OR1J2: variants seen among roughly 807,000 people sequenced by gnomAD.
OR1J2 encodes olfactory receptor 1J2.
For missense variants in OR1J2, 304 were observed against 246.1 expected (o/e 1.24, Z -1.57); for synonymous variants, 142 against 99.7 (o/e 1.42, Z -2.52).
chr9:122,487,673 C>T, the OR1J2 span, among the ~76,000 whole-genome samples: 1 of 152,194 alleles, frequency 6.6e-6, no homozygotes, highest in Non-Finnish European at 1.5e-5. Context: ...TTGTTTTTCA[C>T]CAGCCACAAG....
chr9:122,536,303 C>A, the OR1J2 span, among the ~76,000 whole-genome samples: 1 of 152,186 alleles, frequency 6.6e-6, no homozygotes, highest in Non-Finnish European at 1.5e-5. Flanking sequence ...CCAATATCCA[C>A]CTTTAAAAAC....
chr9:122,490,902 A>C, the OR1J2 span, among the ~76,000 whole-genome samples: 1 of 152,186 alleles, frequency 6.6e-6, no homozygotes, highest in Non-Finnish European at 1.5e-5. Flanking sequence ...GATAATGAGC[A>C]TGTGTTTGCA....
the OR1J2 span, chr9:122,477,965 A>G: frequency 7.1e-7 from 1 of 1,407,832 alleles, no homozygotes; most frequent in Non-Finnish European, 9.7e-7. Context: ...AATTTGAAGG[A>G]AAAAAATGGT....
the OR1J2 span, among the ~76,000 whole-genome samples, chr9:122,548,333 C>T: frequency 6.6e-6 from 1 of 152,094 alleles, no homozygotes; most frequent in Non-Finnish European, 1.5e-5. Flanking sequence ...ATACATTTCC[C>T]TTAATCTCAA....
chr9:122,510,017 T>G (rs1225799383), upstream of OR1J2, among the ~76,000 whole-genome samples: 1 of 151,902 alleles, frequency 6.6e-6, no homozygotes, highest in Non-Finnish European at 1.5e-5. Flanking sequence ...AGGAAGAGCA[T>G]CAGGACAAAT....
At chr9:122,526,670 G>A in the OR1J2 span, 1 of 1,614,190 alleles carries the variant, frequency 6.2e-7, no homozygotes, top group Non-Finnish European at 8.5e-7. Flanking sequence ...TGCATAAAAA[G>A]GGGACGATGA....
At chr9:122,561,538 G>T in the OR1J2 span, among the ~76,000 whole-genome samples, 2 of 152,074 alleles carry the variant, frequency 1.3e-5, no homozygotes, top group African/African-American at 4.8e-5. Context: ...GACGTTTTTT[G>T]TTCATGCTGT....
chr9:122,563,186 T>TTG, the OR1J2 span, among the ~76,000 whole-genome samples: 2,803 of 75,432 alleles, frequency 0.037, 78 homozygotes, highest in African/African-American at 0.13. Flanking sequence ...CATTTGTTAT[T>TTG]TTTTTTTTTG....
upstream of OR1J2, among the ~76,000 whole-genome samples, chr9:122,509,376 G>A (rs1828589954): frequency 6.6e-6 from 1 of 152,298 alleles, no homozygotes; most frequent in Non-Finnish European, 1.5e-5. Context: ...TTTGTTATGG[G>A]ATGAGTGTTA....
At chr9:122,477,248 GGAGGATGGT>G in the OR1J2 span, 1 of 1,614,068 alleles carries the variant, frequency 6.2e-7, no homozygotes. Flanking sequence ...GAGGGAATCT[GGAGGATGGT>G]GACCCCAATG....
the OR1J2 span, among the ~76,000 whole-genome samples, chr9:122,501,388 C>T: frequency 2.5e-3 from 379 of 152,222 alleles, 3 homozygotes; most frequent in African/African-American, 8.9e-3. Flanking sequence ...AATCACCACC[C>T]ACCACAGGCA....
the OR1J2 span, among the ~76,000 whole-genome samples, chr9:122,577,700 A>ATAAC: frequency 1.2e-3 from 182 of 152,370 alleles, no homozygotes; most frequent in Admixed American, 2.0e-3. Context: ...AAGTATCACA[A>ATAAC]TAACTCTGTA....
At chr9:122,498,061 T>G in the OR1J2 span, among the ~76,000 whole-genome samples, 3 of 56,688 alleles carry the variant, frequency 5.3e-5, no homozygotes, top group Non-Finnish European at 9.5e-5. Flanking sequence ...ATGATTTGGG[T>G]TTTTTTTTTT....
chr9:122,453,706 T>A, the OR1J2 span, among the ~76,000 whole-genome samples: 6 of 152,188 alleles, frequency 3.9e-5, no homozygotes, highest in Non-Finnish European at 7.3e-5. Context: ...CTCTCAGACA[T>A]CATTGTGATT....
At chr9:122,516,961 A>G in the OR1J2 span, among the ~76,000 whole-genome samples, 1 of 152,174 alleles carries the variant, frequency 6.6e-6, no homozygotes, top group Admixed American at 6.5e-5. Context: ...AGGAGTGGGC[A>G]ATCAGGAGGG....
At chr9:122,578,157 G>T in the OR1J2 span, among the ~76,000 whole-genome samples, 1 of 152,162 alleles carries the variant, frequency 6.6e-6, no homozygotes, top group Non-Finnish European at 1.5e-5. Context: ...AGGAAAAGAA[G>T]TCATTATACA....
chr9:122,540,141 T>C, the OR1J2 span, among the ~76,000 whole-genome samples: 10 of 151,990 alleles, frequency 6.6e-5, no homozygotes, highest in African/African-American at 9.6e-5. Context: ...TTGTCAATTT[T>C]GGCTTTTGTT....
At chr9:122,553,652 G>T in the OR1J2 span, 2 of 1,614,086 alleles carry the variant, frequency 1.2e-6, no homozygotes, top group South Asian at 2.2e-5. Flanking sequence ...GTGCACTAAT[G>T]CTGGGTGTGT....
the OR1J2 span, among the ~76,000 whole-genome samples, chr9:122,455,740 C>T: frequency 6.6e-6 from 1 of 151,890 alleles, no homozygotes; most frequent in African/African-American, 2.4e-5. Context: ...TCTTTTGTGG[C>T]TTGTGTTTTT....
Sources: gnomAD v4.1 joint callset for allele counts (sites outside exome capture counted in the v4.1 genomes callset) on GRCh38, gnomAD v4.1.1 for gene constraint, MANE v1.5 for transcripts, NCBI Gene and HGNC (gene_info 2026-07-23, HGNC 2026-07-21) for gene names.